The following ERFL variants were observed in gnomAD, a reference collection of about 807,000 sequenced individuals.
The protein encoded by ERFL is ETS repressor factor like.
ERFL carries 8 observed loss-of-function variants against 27.9 expected under a neutral mutation model. The observed-to-expected ratio is 0.29, with a 90% CI of 0.17 to 0.52. The LOEUF (loss-of-function observed/expected upper bound fraction) is 0.52. ERFL is among the 20% of genes least tolerant of loss of function. ERFL has a pLI of 0.97. For synonymous variants in ERFL, 174 were observed against 202.8 expected, an observed-to-expected ratio of 0.86 and a Z score of 1.21; for missense variants, 294 against 444.4, an observed-to-expected ratio of 0.66 and a Z score of 3.04.
Position 41,909,988 on chromosome 19 carries a change from G to A in ERFL, c.177C>T (p.Gly59=), listed in dbSNP as rs992275883. 45 of 1,613,662 alleles carry A rather than the reference G, an allele frequency of 2.8e-5. No homozygotes were observed. Among genetic ancestry groups the A allele is most frequent in the Admixed American group, 1.5e-4 (9 of 59,990 alleles). Residue 59 remains glycine, a synonymous_variant, in exon 3 of 6, where the codon GGC becomes GGT. Transcript: ENST00000597630. The surrounding 1 kb of genome is among the most constrained non-coding windows in gnomAD (Gnocchi z 5.2). Reference sequence around the variant, plus strand: ...CGTAGTCCCCCTGCCAGGCTATGACGCCCTGGTACTCCTCCTTCTGCAGCA... The same window carrying A: ...CGTAGTCCCCCTGCCAGGCTATGACACCCTGGTACTCCTCCTTCTGCAGCA... ...LELLQKEEYQ[G]VIAWQGDYGE...
chr19:41,910,512 C>CA lies in ERFL; in HGVS notation c.68-416dup, dbSNP rs2074745842. Among the ~76,000 whole-genome samples, 1 of 152,146 alleles carries CA rather than the reference C, an allele frequency of 6.6e-6. No individual in the cohort carries two copies. Reference sequence around the variant, plus strand: ...AGTCTCTTGTACCCTGCGGTGCCCTCAGCTCTTACTGTCTCTGTTCCCCAT... The same window carrying CA: ...AGTCTCTTGTACCCTGCGGTGCCCTCAAGCTCTTACTGTCTCTGTTCCCCAT... On this transcript the variant is annotated intron_variant, in intron 2 of 5. Transcript: ENST00000597630. The surrounding 1 kb of genome is among the most constrained non-coding windows in gnomAD (Gnocchi z 4.4).
At chr19:41,927,600 C>G (rs2074879186) in intron 1 of ERFL, among the ~76,000 whole-genome samples, 1 of 152,070 alleles carries the variant, frequency 6.6e-6, no homozygotes, top group Non-Finnish European at 1.5e-5. Flanking sequence ...CTTTGAGCCC[C>G]TAGGTCCCAA....
At chr19:41,914,574 C>CTCTCCCTCCCCTTCCACCGTCTCT (rs1568831580) in intron 1 of ERFL, among the ~76,000 whole-genome samples, 1 of 17,932 alleles carries the variant, frequency 5.6e-5, no homozygotes, top group Non-Finnish European at 1.2e-4. Context: ...TCTCTGTCTC[C>CTCTCCCTCCCCTTCCACCGTCTCT]GTCTCTCCCT....
In ERFL at chr19:41,916,685, G is replaced by A. The variant is rs893824035; in HGVS notation, c.-13-3753C>T. 2.6e-5 allele frequency among the ~76,000 whole-genome samples: 4 copies of A among 151,488 alleles called. No individual in the cohort carries two copies. The highest frequency in any genetic ancestry group is 2.1e-4 in the South Asian group (1 of 4,788). ...ACACAACCAAGCACCACCGACCCTC[G>A]AGCGCATACATATGCACTTGGTCAC... On this transcript the variant is annotated intron_variant, in intron 1 of 5. Transcript: ENST00000597630. This position sits in a 1 kb window ranked among gnomAD's most constrained non-coding sequence, Gnocchi z 5.4.
intron 1 of ERFL, among the ~76,000 whole-genome samples, chr19:41,919,453 C>T (rs1555852236): frequency 6.6e-6 from 1 of 152,074 alleles, no homozygotes; most frequent in African/African-American, 2.4e-5. Flanking sequence ...TATGAACCAA[C>T]ACTCAAGCTG....
intron 1 of ERFL, among the ~76,000 whole-genome samples, chr19:41,918,596 C>A (rs1174027076): frequency 6.8e-6 from 1 of 147,798 alleles, no homozygotes; most frequent in Non-Finnish European, 1.5e-5. Context: ...CATACACTAC[C>A]CATCACAGAC....
In ERFL at chr19:41,910,623, G is replaced by A. The variant is rs541031399; in HGVS notation, c.68-526C>T. On this transcript the variant is annotated intron_variant, in intron 2 of 5. Coordinates refer to ENST00000597630, the MANE Select transcript of ERFL (RefSeq NM_001365103.2). This position sits in a 1 kb window ranked among gnomAD's most constrained non-coding sequence, Gnocchi z 4.4. Reference sequence around the variant, plus strand: ...ATATCCAGGCTGCAGCTCTGTGCATGTCTGTACCTGCCTGTGTATTTGTAC... The same window carrying A: ...ATATCCAGGCTGCAGCTCTGTGCATATCTGTACCTGCCTGTGTATTTGTAC... Among the ~76,000 whole-genome samples, 1 of 152,284 alleles carries A rather than the reference G, an allele frequency of 6.6e-6. No homozygotes were observed. Among genetic ancestry groups the A allele is most frequent in the African/African-American group, 2.4e-5 (1 of 41,550 alleles).
At chr19:41,918,958 GCACACCA>G (rs1196159635) in intron 1 of ERFL, among the ~76,000 whole-genome samples, 3 of 134,222 alleles carry the variant, frequency 2.2e-5, no homozygotes, top group Non-Finnish European at 3.2e-5. Context: ...ATACACACAT[GCACACCA>G]CACACCACAC....
At chr19:41,914,206 A>G (rs1383598837) in intron 1 of ERFL, among the ~76,000 whole-genome samples, 1 of 104,938 alleles carries the variant, frequency 9.5e-6, no homozygotes, top group Non-Finnish European at 2.0e-5. Context: ...CCCCTGTCCC[A>G]GGCCCCCTCT....
At position 41,908,080 on chromosome 19, in the gene ERFL, T is replaced by C; in HGVS notation, c.*148A>G. 1.8e-6 allele frequency: 1 copy of C among 547,766 alleles called. No homozygotes were observed. The highest frequency in any genetic ancestry group is 2.7e-6 in the Non-Finnish European group (1 of 363,854). 33.9% of individuals were successfully genotyped at this position (547,766 alleles called of 1,614,324 possible). ...GAGGGGGAAGTGAGACCCCCCCCAC[T>C]CTGGGGCTGGGGAAGGAGACTGGGG... On this transcript the variant is annotated 3_prime_UTR_variant, in exon 6 of 6. Transcript: ENST00000597630. The surrounding 1 kb of genome is among the most constrained non-coding windows in gnomAD (Gnocchi z 6.7).
chr19:41,918,797 CCATA>C (rs1398059667), intron 1 of ERFL, among the ~76,000 whole-genome samples: 2 of 150,410 alleles, frequency 1.3e-5, no homozygotes, highest in Non-Finnish European at 3.0e-5. Context: ...TGCATACACA[CCATA>C]CACACACACC....
At chr19:41,926,227 G>A (rs2074869790) in intron 1 of ERFL, among the ~76,000 whole-genome samples, 2 of 151,614 alleles carry the variant, frequency 1.3e-5, no homozygotes. Flanking sequence ...TATGCTCCCC[G>A]AGAGACCAGA....
intron 2 of ERFL, among the ~76,000 whole-genome samples, chr19:41,912,437 G>A (rs1449775351): frequency 1.3e-5 from 2 of 152,192 alleles, no homozygotes; most frequent in Non-Finnish European, 2.9e-5. Context: ...GTGCCTGCAC[G>A]TACCCCTGAC....
At position 41,908,311 on chromosome 19, in the gene ERFL, C is replaced by G; in HGVS notation, c.982G>C (p.Gly328Arg). ...DSELEITDVS[G>R]CSSDSEGDEG... Reference sequence around the variant, plus strand: ...TCGCCCTCGCTGTCAGAGCTGCAGCCGCTGACGTCGGTGATCTCCAGCTCC... The same window carrying G: ...TCGCCCTCGCTGTCAGAGCTGCAGCGGCTGACGTCGGTGATCTCCAGCTCC... The change falls in exon 6 of 6, where the codon GGC becomes CGC. Residue 328 changes from glycine to arginine, a missense_variant. Physicochemically the swap from Gly to Arg is moderately radical, Grantham distance 125. Transcript: ENST00000597630. The surrounding 1 kb of genome is among the most constrained non-coding windows in gnomAD (Gnocchi z 6.7). 8.1e-7 allele frequency: 1 copy of G among 1,231,504 alleles called. No homozygotes were observed. Among genetic ancestry groups the G allele is most frequent in the Non-Finnish European group, 1.0e-6 (1 of 987,812 alleles). The allele number at this position is 1,231,504 out of a possible 1,614,324, so 76.3% of individuals were successfully genotyped here.
intron 1 of ERFL, among the ~76,000 whole-genome samples, chr19:41,922,554 C>G (rs1568836193): frequency 6.6e-6 from 1 of 151,960 alleles, no homozygotes; most frequent in Non-Finnish European, 1.5e-5. Flanking sequence ...GTCAAAGACC[C>G]AGGAGGGCAA....
chr19:41,920,022 GCGCTCACAGACATGATA>G (rs1421206193), intron 1 of ERFL, among the ~76,000 whole-genome samples: 4 of 101,246 alleles, frequency 4.0e-5, no homozygotes, highest in Non-Finnish European at 7.7e-5. Context: ...CAGACATGAC[GCGCTCACAGACATGATA>G]CGCTCACAGA....
In ERFL at chr19:41,912,956, CG is replaced by C. The variant is rs1298584227; in HGVS notation, c.-13-25del. 19 of 1,124,498 alleles carry C rather than the reference CG, an allele frequency of 1.7e-5. No individual in the cohort carries two copies. In the African/African-American group the frequency reaches 3.1e-4, roughly 18 times the overall value. 69.7% of individuals were successfully genotyped at this position (1,124,498 alleles called of 1,614,324 possible). On this transcript the variant is annotated intron_variant, in intron 1 of 5. Coordinates refer to ENST00000597630, the MANE Select transcript of ERFL (RefSeq NM_001365103.2). ...CCCTGCAGAGGCCGGGAGGGACACA[CG>C]GGGACGGGGTGGGCAGGAGAGACAG...
At chr19:41,923,366 T>G (rs2074852737) in intron 1 of ERFL, 2 of 344,408 alleles carry the variant, frequency 5.8e-6, no homozygotes, top group African/African-American at 2.2e-5. Context: ...TGAGAGAGAG[T>G]CAGAGAGCTG....
intron 1 of ERFL, among the ~76,000 whole-genome samples, chr19:41,927,774 C>T (rs1555853394): frequency 6.6e-6 from 1 of 152,186 alleles, no homozygotes; most frequent in Non-Finnish European, 1.5e-5. Flanking sequence ...CCGTGGCTCT[C>T]ACTCGCTCTC....
Sources: allele counts gnomAD v4.1 joint callset (sites outside exome capture counted in the v4.1 genomes callset), GRCh38; gene constraint gnomAD v4.1.1; non-coding constraint Gnocchi (gnomAD v3.1); transcripts MANE v1.5; gene names NCBI Gene and HGNC (gene_info 2026-07-23, HGNC 2026-07-21).